FAM171B: variants seen among roughly 807,000 people sequenced by gnomAD.
The protein encoded by FAM171B is family with sequence similarity 171 member B.
FAM171B carries 19 observed loss-of-function variants against 75.6 expected under a neutral mutation model. The observed-to-expected ratio is 0.25, with a 90% CI of 0.18 to 0.37. The LOEUF is 0.37. FAM171B is among the 10% of genes least tolerant of loss of function. FAM171B has a pLI of 1.00. For missense variants in FAM171B, 848 were observed against 982.4 expected (o/e 0.86, Z 1.83); for synonymous variants, 367 against 361.7 (o/e 1.01, Z -0.17).
chr2:186,736,178 T>C (rs1007141173), intron 1 of FAM171B, among the ~76,000 whole-genome samples: 1 of 152,202 alleles, frequency 6.6e-6, no homozygotes, highest in Non-Finnish European at 1.5e-5. Flanking sequence ...CAATCAATTC[T>C]TCCCATCTTC....
chr2:186,726,622 G>T (rs995381144), intron 1 of FAM171B, among the ~76,000 whole-genome samples: 6 of 151,880 alleles, frequency 4.0e-5, no homozygotes, highest in African/African-American at 1.5e-4. Context: ...CTACTTTGAT[G>T]ATTTTTTTAT....
In FAM171B at chr2:186,709,501, T is replaced by C. The variant is rs189799844; in HGVS notation, c.238+15090T>C. On this transcript the variant is annotated intron_variant, in intron 1 of 7. Coordinates refer to ENST00000304698, the MANE Select transcript of FAM171B (RefSeq NM_177454.4). ...TTTCTATCAATTTATTGGGATCTAC[T>C]ATGAGCTAGCAATTGGTACTTTTTG... 5.9e-5 allele frequency among the ~76,000 whole-genome samples: 9 copies of C among 152,314 alleles called. No homozygotes were observed. In the East Asian group the frequency reaches 1.7e-3, roughly 29 times the overall value.
intron 1 of FAM171B, among the ~76,000 whole-genome samples, chr2:186,722,975 C>A (rs1163908969): frequency 6.6e-6 from 1 of 152,054 alleles, no homozygotes; most frequent in Non-Finnish European, 1.5e-5. Flanking sequence ...ACGATAAATC[C>A]TTTTCAGGGT....
intron 1 of FAM171B, among the ~76,000 whole-genome samples, chr2:186,729,245 A>C (rs370124260): frequency 6.6e-6 from 1 of 152,272 alleles, no homozygotes. Flanking sequence ...CCATTTTAAA[A>C]CGAATAGTGA....
At chr2:186,723,263 T>C (rs1689981635) in intron 1 of FAM171B, among the ~76,000 whole-genome samples, 1 of 152,194 alleles carries the variant, frequency 6.6e-6, no homozygotes, top group South Asian at 2.1e-4. Flanking sequence ...TCCCCAAAGG[T>C]CCTTTTGTCT....
chr2:186,751,087 A>G, intron 4 of FAM171B, 47 bp from the exon 5 acceptor site: 1 of 1,426,944 alleles, frequency 7.0e-7, no homozygotes, highest in Non-Finnish European at 9.5e-7. Flanking sequence ...TTAGGTAACT[A>G]CCACCTCTGT....
intron 3 of FAM171B, among the ~76,000 whole-genome samples, chr2:186,745,114 G>C (rs1690348504): frequency 6.6e-6 from 1 of 152,216 alleles, no homozygotes; most frequent in Admixed American, 6.5e-5. Flanking sequence ...TGCCATGACT[G>C]GCCTTGCCAG....
At chr2:186,706,055 T>C (rs148776226) in intron 1 of FAM171B, among the ~76,000 whole-genome samples, 131 of 152,318 alleles carry the variant, frequency 8.6e-4, no homozygotes, top group African/African-American at 3.0e-3. Flanking sequence ...TCACTGAGAT[T>C]GAGTTAATCT....
intron 3 of FAM171B, among the ~76,000 whole-genome samples, chr2:186,746,697 G>A (rs1690369168): frequency 6.6e-6 from 1 of 152,134 alleles, no homozygotes; most frequent in Admixed American, 6.5e-5. Flanking sequence ...CTTGGGACAG[G>A]GCCCATCATT....
intron 1 of FAM171B, among the ~76,000 whole-genome samples, chr2:186,721,475 A>C (rs1306301897): frequency 6.6e-6 from 1 of 152,126 alleles, no homozygotes; most frequent in Admixed American, 6.5e-5. Flanking sequence ...TATTTAGAAT[A>C]CTAAATGTTT....
intron 1 of FAM171B, among the ~76,000 whole-genome samples, chr2:186,712,150 T>C (rs17334422): frequency 0.31 from 46,638 of 152,136 alleles, 7,897 homozygotes; most frequent in Non-Finnish European, 0.39. Context: ...GTATCTTTTG[T>C]TATTTATGTA....
intron 1 of FAM171B, among the ~76,000 whole-genome samples, chr2:186,720,225 ATGGGGTTTCACCATGT>A (rs1255459365): frequency 6.6e-6 from 1 of 152,176 alleles, no homozygotes; most frequent in Non-Finnish European, 1.5e-5. Flanking sequence ...TTTAGAAGAG[ATGGGGTTTCACCATGT>A]TGGCCAGGCT....
Position 186,694,166 on chromosome 2 carries a change from T to C in FAM171B, c.-8T>C, listed in dbSNP as rs1257753669. On this transcript the variant is annotated 5_prime_UTR_variant, in exon 1 of 8. Transcript: ENST00000304698. ...CAATATGCCGCCGCGGCCCTCTGGC[T>C]CTAGGCCATGGCGAGGCTCTGCCGG... is the stretch of plus-strand genomic sequence containing the variant. 6.3e-7 allele frequency: 1 copy of C among 1,589,510 alleles called. No individual in the cohort carries two copies. The highest frequency in any genetic ancestry group is 1.7e-5 in the Admixed American group (1 of 59,038).
chr2:186,722,730 G>A (rs149782337), intron 1 of FAM171B, among the ~76,000 whole-genome samples: 7 of 152,146 alleles, frequency 4.6e-5, no homozygotes, highest in Non-Finnish European at 8.8e-5. Flanking sequence ...GCAGGAGGTG[G>A]AGGTCACTGG....
rs201265058 is a variant in FAM171B, at chr2:186,753,974, A to G, written c.937A>G (p.Asn313Asp). 19 of 1,613,576 alleles carry G rather than the reference A, an allele frequency of 1.2e-5. No homozygotes were observed. Among genetic ancestry groups the G allele is most frequent in the Non-Finnish European group, 1.5e-5 (18 of 1,179,780 alleles). Residue 313 changes from asparagine (N) to aspartate (D), a missense_variant, in exon 6 of 8, where the codon AAC becomes GAC. Asn to Asp is a conservative substitution (Grantham distance 23, BLOSUM62 1). Coordinates refer to ENST00000304698, the MANE Select transcript of FAM171B (RefSeq NM_177454.4). ...NHGRGMVKEH[N>D]NHLIWTYDAP... ...TGGTCGGGGAATGGTCAAGGAACAT[A>G]ACAATCATTTAATCTGGACATATGA...
intron 1 of FAM171B, among the ~76,000 whole-genome samples, chr2:186,721,511 A>G (rs1454572755): frequency 6.6e-6 from 1 of 152,216 alleles, no homozygotes; most frequent in Non-Finnish European, 1.5e-5. Context: ...CGTTTTCTAG[A>G]ATGTTCTTAC....
At chr2:186,721,262 T>C (rs1421031556) in intron 1 of FAM171B, among the ~76,000 whole-genome samples, 1 of 152,148 alleles carries the variant, frequency 6.6e-6, no homozygotes, top group East Asian at 1.9e-4. Flanking sequence ...CCTGGGAATG[T>C]GGCAAAAGGT....
chr2:186,754,622 T>C (rs1017513070), intron 6 of FAM171B, among the ~76,000 whole-genome samples: 2 of 152,124 alleles, frequency 1.3e-5, no homozygotes, highest in African/African-American at 2.4e-5. Context: ...GGCCCACTTT[T>C]GGGTCTCAAG....
chr2:186,715,301 C>G (rs778209406), intron 1 of FAM171B, among the ~76,000 whole-genome samples: 1 of 152,148 alleles, frequency 6.6e-6, no homozygotes, highest in Non-Finnish European at 1.5e-5. Flanking sequence ...CTCCTGCACT[C>G]AAGCCATCCT....
Sources: allele counts gnomAD v4.1 joint callset (sites outside exome capture counted in the v4.1 genomes callset), GRCh38; gene constraint gnomAD v4.1.1; transcripts MANE v1.5; gene names NCBI Gene and HGNC (gene_info 2026-07-23, HGNC 2026-07-21).